CALN1: variants seen among roughly 807,000 people sequenced by gnomAD.
CALN1 encodes the protein calneuron 1, also known as calcium-binding protein 8.
Under a neutral mutation model 30.6 loss-of-function variants are expected in CALN1, and 17 were observed. The ratio of observed to expected loss-of-function variants is 0.56; its 90% confidence interval spans 0.38 to 0.83. CALN1 has a LOEUF of 0.83. CALN1 is among the 40% of genes least tolerant of loss of function. The pLI, the probability that CALN1 is intolerant of heterozygous loss-of-function variation, is 0.00. For synonymous variants in CALN1, 156 were observed against 131.4 expected (o/e 1.19, Z -1.28); for missense variants, 291 against 354.9 (o/e 0.82, Z 1.45).
intron 1 of CALN1, among the ~76,000 whole-genome samples, chr7:72,404,195 C>T (rs1287358882): frequency 2.0e-5 from 3 of 152,210 alleles, no homozygotes; most frequent in East Asian, 1.9e-4. Flanking sequence ...AGGCACCCCT[C>T]GTCTCTGCCT....
intron 2 of CALN1, among the ~76,000 whole-genome samples, chr7:72,282,256 C>G (rs1176696516): frequency 1.3e-5 from 2 of 152,198 alleles, no homozygotes; most frequent in East Asian, 3.9e-4. Context: ...GAAGATGGAT[C>G]CTTCTATAGA....
chr7:72,420,776 C>T (rs1399567777), intron 1 of CALN1, among the ~76,000 whole-genome samples: 11 of 151,898 alleles, frequency 7.2e-5, no homozygotes, highest in East Asian at 3.9e-4. Flanking sequence ...CCCGCCACTA[C>T]GCCCGGCTAA....
chr7:71,959,174 T>C (rs1797114711), intron 5 of CALN1, among the ~76,000 whole-genome samples: 1 of 152,208 alleles, frequency 6.6e-6, no homozygotes, highest in African/African-American at 2.4e-5. Context: ...CCTGTCATGG[T>C]AGGCAGTGAT....
At chr7:72,238,717 C>T (rs1269452344) in intron 3 of CALN1, among the ~76,000 whole-genome samples, 1 of 152,106 alleles carries the variant, frequency 6.6e-6, no homozygotes, top group Non-Finnish European at 1.5e-5. Context: ...TATTTGCTGC[C>T]GCCACGTGAA....
chr7:71,878,295 GGGAGGT>G (rs1792366119), intron 5 of CALN1, among the ~76,000 whole-genome samples: 2 of 152,136 alleles, frequency 1.3e-5, no homozygotes, highest in Non-Finnish European at 2.9e-5. Context: ...CCAGCTACTT[GGGAGGT>G]GGAGGCAGGA....
intron 4 of CALN1, among the ~76,000 whole-genome samples, chr7:72,047,828 T>C (rs1226559323): frequency 6.6e-6 from 1 of 151,858 alleles, no homozygotes; most frequent in East Asian, 1.9e-4. Context: ...AAATTAAGAG[T>C]GCAGCTGCAA....
intron 3 of CALN1, among the ~76,000 whole-genome samples, chr7:72,218,839 G>A (rs553620289): frequency 6.6e-6 from 1 of 152,298 alleles, no homozygotes; most frequent in South Asian, 2.1e-4. Context: ...TGAAGGAGAA[G>A]TGCCTCATTA....
chr7:72,213,002 C>G (rs924765404), intron 3 of CALN1, among the ~76,000 whole-genome samples: 7 of 152,314 alleles, frequency 4.6e-5, no homozygotes, highest in African/African-American at 1.7e-4. Context: ...GCCTCACTCT[C>G]AGGACCCTCC....
intron 3 of CALN1, among the ~76,000 whole-genome samples, chr7:72,263,113 G>A (rs1364933729): frequency 5.9e-5 from 9 of 152,112 alleles, no homozygotes; most frequent in African/African-American, 1.9e-4. Context: ...TCCTTTGTCT[G>A]GGTTTGTTCC....
intron 5 of CALN1, among the ~76,000 whole-genome samples, chr7:71,847,434 G>C (rs999729050): frequency 6.6e-6 from 1 of 151,916 alleles, no homozygotes; most frequent in Admixed American, 6.6e-5. Context: ...TGGATCACCT[G>C]AGGTCAGGAG....
At chr7:72,259,936 C>T (rs149969490) in intron 3 of CALN1, among the ~76,000 whole-genome samples, 2 of 152,326 alleles carry the variant, frequency 1.3e-5, no homozygotes, top group African/African-American at 2.4e-5. Flanking sequence ...CATCAGCAAG[C>T]ATCAATATAC....
chr7:72,135,584 T>C (rs113834032), intron 3 of CALN1, among the ~76,000 whole-genome samples: 2,070 of 152,294 alleles, frequency 0.014, 50 homozygotes, highest in African/African-American at 0.047. Flanking sequence ...AAATATTCAA[T>C]AAACCATGCT....
At chr7:71,960,288 T>G (rs1485033737) in intron 5 of CALN1, among the ~76,000 whole-genome samples, 1 of 152,196 alleles carries the variant, frequency 6.6e-6, no homozygotes, top group Admixed American at 6.6e-5. Flanking sequence ...CAGTGTACAC[T>G]GTACCCAATA....
intron 3 of CALN1, among the ~76,000 whole-genome samples, chr7:72,224,068 G>A (rs1793498528): frequency 6.6e-6 from 1 of 152,112 alleles, no homozygotes. Context: ...TTACCTGGGT[G>A]ACAGGATCAA....
chr7:71,833,153 G>T (rs73362111), intron 5 of CALN1, among the ~76,000 whole-genome samples: 5,637 of 152,228 alleles, frequency 0.037, 362 homozygotes, highest in African/African-American at 0.13. Context: ...GAGTTCTAGG[G>T]GTTGGATGTG....
chr7:72,195,207 C>G (rs956923863), intron 3 of CALN1, among the ~76,000 whole-genome samples: 3 of 152,186 alleles, frequency 2.0e-5, no homozygotes, highest in Non-Finnish European at 2.9e-5. Context: ...ACACACTCAT[C>G]TTTTGAGCCC....
intron 5 of CALN1, among the ~76,000 whole-genome samples, chr7:71,848,687 ATTATT>A (rs929560985): frequency 2.6e-5 from 4 of 152,086 alleles, no homozygotes; most frequent in Non-Finnish European, 4.4e-5. Context: ...CTGGGATAGA[ATTATT>A]TTAAGTTGAG....
chr7:72,275,099 T>C (rs1188570925), intron 3 of CALN1, among the ~76,000 whole-genome samples: 1 of 151,968 alleles, frequency 6.6e-6, no homozygotes, highest in Non-Finnish European at 1.5e-5. Context: ...CCTGTAGCCA[T>C]TCACAAGCAG....
chr7:71,881,477 C>T lies in CALN1; in HGVS notation c.502-70985G>A, dbSNP rs148122824. 3.3e-5 allele frequency among the ~76,000 whole-genome samples: 5 copies of T among 152,308 alleles called. No individual in the cohort carries two copies. The East Asian group carries it at 9.7e-4, about 29-fold the overall frequency. Reference sequence around the variant, plus strand: ...CAGTCCTGGCACCTTCTCATTGTCCCATCATCACTTCTCTCTAACTGGTCT... The same window carrying T: ...CAGTCCTGGCACCTTCTCATTGTCCTATCATCACTTCTCTCTAACTGGTCT... On this transcript the variant is annotated intron_variant, in intron 5 of 6. Coordinates refer to ENST00000395275, the MANE Select transcript of CALN1 (RefSeq NM_031468.4).
Sources: allele counts gnomAD v4.1 joint callset (sites outside exome capture counted in the v4.1 genomes callset), GRCh38; gene constraint gnomAD v4.1.1; transcripts MANE v1.5; gene names NCBI Gene and HGNC (gene_info 2026-07-23, HGNC 2026-07-21).